TTC7A: variants seen among roughly 807,000 people sequenced by gnomAD.
The protein encoded by TTC7A is tetratricopeptide repeat domain 7A.
In TTC7A, 110 loss-of-function variants were observed where a neutral mutation model predicts 103.7. The observed-to-expected ratio is 1.06, with a 90% CI of 0.91 to 1.24. The LOEUF (loss-of-function observed/expected upper bound fraction) is 1.24. TTC7A is among the 50% of genes most tolerant of loss of function. The probability of loss-of-function intolerance (pLI) is 0.00; values close to 1 mark genes in which losing one functional copy is unlikely to be tolerated. For synonymous variants in TTC7A, 521 were observed against 467.9 expected, an observed-to-expected ratio of 1.11 and a Z score of -1.47; for missense variants, 1,340 against 1,116.3, an observed-to-expected ratio of 1.20 and a Z score of -2.86.
chr2:47,065,386 C>T (rs1346578691), intron 19 of TTC7A, among the ~76,000 whole-genome samples: 4 of 152,230 alleles, frequency 2.6e-5, no homozygotes. Flanking sequence ...AGAAAAAGGA[C>T]TTGGAGTCTC....
intron 2 of TTC7A, among the ~76,000 whole-genome samples, chr2:46,952,131 G>A (rs1671472316): frequency 6.6e-6 from 1 of 152,166 alleles, no homozygotes; most frequent in Non-Finnish European, 1.5e-5. Flanking sequence ...GGCCAGGGGA[G>A]AGGGGAGTGT....
intron 9 of TTC7A, 92 bp from the exon 10 acceptor site, chr2:47,006,549 G>C (rs1446581499): frequency 8.7e-7 from 1 of 1,145,650 alleles, no homozygotes; most frequent in East Asian, 2.4e-5. Context: ...TCCCAAAAGC[G>C]GTGACTTGGG....
At chr2:46,919,374 A>G (rs1434048043) in intron 2 of TTC7A, among the ~76,000 whole-genome samples, 1 of 152,148 alleles carries the variant, frequency 6.6e-6, no homozygotes, top group African/African-American at 2.4e-5. Context: ...TCTCTACTAA[A>G]AATACAAAAT....
At chr2:46,919,389 T>C (rs545773081) in intron 2 of TTC7A, among the ~76,000 whole-genome samples, 12 of 152,002 alleles carry the variant, frequency 7.9e-5, no homozygotes, top group Non-Finnish European at 1.8e-4. Flanking sequence ...CAAAATTAGC[T>C]GGGTGTGGTG....
intron 14 of TTC7A, among the ~76,000 whole-genome samples, chr2:47,028,825 G>C (rs1680195023): frequency 6.6e-6 from 1 of 152,114 alleles, no homozygotes; most frequent in Non-Finnish European, 1.5e-5. Flanking sequence ...CCTTCCTGTG[G>C]TCAAGCTGCA....
chr2:46,974,144 C>T (rs779229274), intron 3 of TTC7A, among the ~76,000 whole-genome samples: 20 of 152,286 alleles, frequency 1.3e-4, no homozygotes, highest in Middle Eastern at 3.4e-3. Flanking sequence ...TTAACAAGAG[C>T]GAGGTCTGGA....
intron 11 of TTC7A, among the ~76,000 whole-genome samples, chr2:47,019,993 T>C (rs542123720): frequency 2.8e-4 from 42 of 152,272 alleles, no homozygotes; most frequent in Admixed American, 4.6e-4. Context: ...CACAGCCACC[T>C]GATAAGCTCT....
At chr2:47,071,982 C>T (rs558122586) in intron 19 of TTC7A, among the ~76,000 whole-genome samples, 1 of 152,258 alleles carries the variant, frequency 6.6e-6, no homozygotes, top group African/African-American at 2.4e-5. Flanking sequence ...GCAGAACTCA[C>T]AGGGCTCAAA....
At chr2:46,984,696 T>G (rs1674826485) in intron 5 of TTC7A, among the ~76,000 whole-genome samples, 1 of 152,052 alleles carries the variant, frequency 6.6e-6, no homozygotes, top group African/African-American at 2.4e-5. Flanking sequence ...GCTGGGGGCC[T>G]GGCTGAACCA....
intron 2 of TTC7A, among the ~76,000 whole-genome samples, chr2:46,934,945 C>A (rs772110307): frequency 6.6e-6 from 1 of 151,504 alleles, no homozygotes; most frequent in Non-Finnish European, 1.5e-5. Context: ...GAACTACAGG[C>A]GCGCACCACC....
chr2:46,941,559 G>C lies in TTC7A; in HGVS notation c.18G>C (p.Ala6=). 6.4e-7 allele frequency: 1 copy of C among 1,555,664 alleles called. No individual in the cohort carries two copies. Among genetic ancestry groups the C allele is most frequent in the Non-Finnish European group, 8.7e-7 (1 of 1,150,164 alleles). Residue 6 remains alanine, a synonymous_variant, in exon 1 of 20, where the codon GCG becomes GCC. Coordinates refer to ENST00000319190, the MANE Select transcript of TTC7A (RefSeq NM_020458.4). The surrounding 1 kb of genome is among the most constrained non-coding windows in gnomAD (Gnocchi z 4.2). ...GCGAGAAGATGGCTGCGAAGGGCGCGCACGGCTCCTACCTGAAGGTGGAGA... is the reference window on the plus strand; with the variant it reads ...GCGAGAAGATGGCTGCGAAGGGCGCCCACGGCTCCTACCTGAAGGTGGAGA... MAAKG[A]HGSYLKVESE...
chr2:46,959,566 T>C (rs946073889), intron 3 of TTC7A, among the ~76,000 whole-genome samples: 3 of 152,152 alleles, frequency 2.0e-5, no homozygotes, highest in African/African-American at 4.8e-5. Context: ...CTGTTCTTTT[T>C]AGGGGAGTCA....
At chr2:47,044,605 G>T (rs1354633947) in intron 15 of TTC7A, among the ~76,000 whole-genome samples, 1 of 152,194 alleles carries the variant, frequency 6.6e-6, no homozygotes, top group Non-Finnish European at 1.5e-5. Context: ...TGGGTGCAGG[G>T]CATCCTAAGA....
chr2:46,956,156 G>A (rs1313140055), intron 2 of TTC7A, among the ~76,000 whole-genome samples: 3 of 152,202 alleles, frequency 2.0e-5, no homozygotes, highest in Non-Finnish European at 4.4e-5. Flanking sequence ...GTTCCTCTGT[G>A]GGATGGAGAT....
chr2:47,015,668 C>A (rs772101011), intron 11 of TTC7A, among the ~76,000 whole-genome samples: 2 of 152,168 alleles, frequency 1.3e-5, no homozygotes, highest in African/African-American at 4.8e-5. Context: ...TAGCACACTG[C>A]GGGTACCTGC....
intron 1 of TTC7A, among the ~76,000 whole-genome samples, chr2:46,946,675 G>C (rs1225021531): frequency 6.6e-6 from 1 of 152,130 alleles, no homozygotes; most frequent in Non-Finnish European, 1.5e-5. Context: ...TACCACCTCG[G>C]CCTCCCAAAG....
rs1573031650 is a variant in TTC7A at position 47,050,309 on chromosome 2, G to C, written c.2017+263G>C. On this transcript the variant is annotated intron_variant, in intron 17 of 19. Transcript: ENST00000319190. ...AAAGAGGAGCCTGGCTGAAAAGGTGGCTGTGGAGCACAGAAACCGTTTCCC... is the reference window on the plus strand; with the variant it reads ...AAAGAGGAGCCTGGCTGAAAAGGTGCCTGTGGAGCACAGAAACCGTTTCCC... 15 of 509,552 alleles carry C rather than the reference G, an allele frequency of 2.9e-5. No homozygotes were observed. The East Asian group carries it at 4.9e-4, about 17-fold the overall frequency. The allele number at this position is 509,552 out of a possible 1,614,324, so 31.6% of individuals were successfully genotyped here. A position where few individuals can be genotyped will look rare whatever the true frequency, so the allele number is the denominator to read the frequency against.
At chr2:46,917,657 C>T (rs1175737857) in intron 2 of TTC7A, among the ~76,000 whole-genome samples, 1 of 152,170 alleles carries the variant, frequency 6.6e-6, no homozygotes, top group East Asian at 1.9e-4. Context: ...TCTACAGTCA[C>T]TCCCTCTCTA....
intron 5 of TTC7A, among the ~76,000 whole-genome samples, chr2:46,980,436 T>C (rs183030810): frequency 6.6e-6 from 1 of 152,268 alleles, no homozygotes; most frequent in Non-Finnish European, 1.5e-5. Context: ...GGTCTCAAAC[T>C]CTTGGACTCA....
Sources: gnomAD v4.1 joint callset for allele counts (sites outside exome capture counted in the v4.1 genomes callset) on GRCh38, gnomAD v4.1.1 for gene constraint, Gnocchi (gnomAD v3.1) non-coding constraint, MANE v1.5 for transcripts, NCBI Gene and HGNC (gene_info 2026-07-23, HGNC 2026-07-21) for gene names.